The following MOSPD2 variants were observed in gnomAD, a reference collection of about 807,000 sequenced individuals.
MOSPD2 encodes the protein motile sperm domain-containing protein 2.
In MOSPD2, 5 loss-of-function variants were observed where a neutral mutation model predicts 41.7. That is an observed-to-expected ratio of 0.12 (90% CI 0.06 to 0.25). The LOEUF is 0.25. Ranked by LOEUF, MOSPD2 falls within the 10% of genes least tolerant of loss-of-function variation. The pLI is 1.00. For synonymous variants in MOSPD2, 115 were observed against 126.9 expected (o/e 0.91, Z 0.63); for missense variants, 282 against 375.2 (o/e 0.75, Z 2.05).
chrX:14,878,670 T>A (rs777169608), intron 2 of MOSPD2, among the ~76,000 whole-genome samples: 2 of 111,909 alleles, frequency 1.8e-5, no homozygotes, highest in South Asian at 3.7e-4. Flanking sequence ...GTCTTTTAAT[T>A]TTTGTTTTGT....
Position 14,914,506 on chromosome X carries a change from A to G in MOSPD2, c.996A>G (p.Pro332=). 2.6e-6 allele frequency: 3 copies of G among 1,174,788 alleles called. No individual in the cohort carries two copies. Among genetic ancestry groups the G allele is most frequent in the Non-Finnish European group, 3.5e-6 (3 of 869,009 alleles). Reference sequence around the variant, plus strand: ...TTATGTTTTTGTCACTCCCTAGCCCAGCAGAAGAACTGTACTTTGGAAGTA... The same window carrying G: ...TTATGTTTTTGTCACTCCCTAGCCCGGCAGAAGAACTGTACTTTGGAAGTA... ...VFKGPLLHIS[P]AEELYFGSTE... Residue 332 remains proline, a synonymous_variant, in exon 11 of 15, where the codon CCA becomes CCG. Coordinates refer to ENST00000380492, the MANE Select transcript of MOSPD2 (RefSeq NM_152581.4).
chrX:14,918,003 CTT>C (rs1302319531), intron 13 of MOSPD2, among the ~76,000 whole-genome samples: 1 of 111,744 alleles, frequency 8.9e-6, no homozygotes, highest in Non-Finnish European at 1.9e-5. Flanking sequence ...AGCAGCCTGC[CTT>C]GTTTTTACGT....
At chrX:14,882,602 A>G (rs2092533464) in intron 2 of MOSPD2, among the ~76,000 whole-genome samples, 1 of 111,525 alleles carries the variant, frequency 9.0e-6, no homozygotes, top group Admixed American at 9.5e-5. Context: ...CATAAATATA[A>G]TTTTTGTCAA....
At chrX:14,919,372 G>C (rs1179534139) in intron 14 of MOSPD2, among the ~76,000 whole-genome samples, 1 of 111,681 alleles carries the variant, frequency 9.0e-6, no homozygotes, top group Non-Finnish European at 1.9e-5. Flanking sequence ...ATTTGAAAGA[G>C]ACAGAGGGGC....
intron 13 of MOSPD2, 53 bp downstream of exon 13, chrX:14,916,379 G>A (rs976230009): frequency 1.1e-5 from 13 of 1,199,924 alleles, no homozygotes; most frequent in African/African-American, 1.8e-5. Flanking sequence ...ATCAGAAAGA[G>A]AAAAGTGCCT....
intron 2 of MOSPD2, among the ~76,000 whole-genome samples, chrX:14,889,485 C>T (rs987581481): frequency 6.3e-5 from 7 of 110,389 alleles, no homozygotes; most frequent in African/African-American, 2.3e-4. Context: ...ACCTCCCTCA[C>T]CTTTCTTTCC....
In MOSPD2 at chrX:14,900,508, C is replaced by A; in HGVS notation, c.478-67C>A. On this transcript the variant is annotated intron_variant, in intron 5 of 14. Transcript: ENST00000380492. ...CTCACTTGTATTTAATAATTTATCA[C>A]CTTTAGAAATGTGCAATTTTAAGTT... 5.9e-6 allele frequency: 3 copies of A among 508,701 alleles called. 1 individual carries two copies. The highest frequency in any genetic ancestry group is 8.6e-5 in the South Asian group (2 of 23,299). 41.9% of individuals were successfully genotyped at this position (508,701 alleles called of 1,213,427 possible).
chrX:14,887,966 A>T (rs1602025526), intron 2 of MOSPD2, among the ~76,000 whole-genome samples: 1 of 111,237 alleles, frequency 9.0e-6, no homozygotes, highest in Non-Finnish European at 1.9e-5. Flanking sequence ...AGCAAAATTC[A>T]TATTAGAACA....
chrX:14,887,562 A>G (rs1362002287), intron 2 of MOSPD2, among the ~76,000 whole-genome samples: 1 of 111,747 alleles, frequency 8.9e-6, no homozygotes, highest in African/African-American at 3.3e-5. Context: ...ATTTTCTCAC[A>G]TTGTTAGCCT....
chrX:14,910,338 A>G (rs912926890), intron 8 of MOSPD2, among the ~76,000 whole-genome samples: 4 of 111,184 alleles, frequency 3.6e-5, no homozygotes, highest in Non-Finnish European at 7.6e-5. Context: ...TTTTTACACA[A>G]TGGTCACATA....
In MOSPD2 at chrX:14,915,665, T is replaced by C. The variant is rs767275415; in HGVS notation, c.1090-3T>C. The C allele has an allele frequency of 1.3e-5, 16 of 1,199,655 alleles. No individual in the cohort carries two copies. Among genetic ancestry groups the C allele is most frequent in the Non-Finnish European group, 4.5e-6 (4 of 887,405 alleles). The stretch of plus-strand genomic sequence containing the variant: ...GTTATGTGACTACTGTGTTTATAAA[T>C]AGGTGAGAACAACAGCTCCAGAAAA... On this transcript the variant is annotated splice_polypyrimidine_tract_variant and splice_region_variant and intron_variant, in intron 11 of 14. Coordinates refer to ENST00000380492, the MANE Select transcript of MOSPD2 (RefSeq NM_152581.4).
intron 2 of MOSPD2, among the ~76,000 whole-genome samples, chrX:14,881,600 G>T (rs2092531549): frequency 8.9e-6 from 1 of 111,861 alleles, no homozygotes; most frequent in African/African-American, 3.3e-5. Context: ...CTAGCATGTG[G>T]CAGGTGATCA....
chrX:14,900,700 G>A, intron 6 of MOSPD2, 65 bp downstream of exon 6: 1 of 559,776 alleles, frequency 1.8e-6, no homozygotes, highest in Non-Finnish European at 2.8e-6. Context: ...TCTGAGAATT[G>A]TGGAGCCTTA....
At chrX:14,886,052 A>C (rs761295344) in intron 2 of MOSPD2, among the ~76,000 whole-genome samples, 4 of 111,185 alleles carry the variant, frequency 3.6e-5, no homozygotes, top group Admixed American at 9.6e-5. Flanking sequence ...CCCTGACTTC[A>C]TGGAGCTTAT....
intron 14 of MOSPD2, among the ~76,000 whole-genome samples, chrX:14,919,130 T>C (rs755371161): frequency 9.0e-5 from 10 of 111,359 alleles, no homozygotes; most frequent in Non-Finnish European, 1.7e-4. Flanking sequence ...TGCTTGACCC[T>C]GGGAGGTCAA....
chrX:14,911,157 G>A, intron 8 of MOSPD2, 80 bp from the exon 9 acceptor site: 1 of 866,953 alleles, frequency 1.2e-6, no homozygotes, highest in Non-Finnish European at 1.6e-6. Flanking sequence ...CTTGGCCAAA[G>A]TAATGAATTG....
intron 2 of MOSPD2, among the ~76,000 whole-genome samples, chrX:14,878,619 C>T (rs889198140): frequency 1.8e-5 from 2 of 111,412 alleles, no homozygotes; most frequent in African/African-American, 6.5e-5. Context: ...TAGGTTGGTG[C>T]GAAAGTAATT....
intron 9 of MOSPD2, among the ~76,000 whole-genome samples, 179 bp from the exon 10 acceptor site, chrX:14,912,070 G>T (rs141896752): frequency 0.014 from 1,534 of 111,415 alleles, 13 homozygotes; most frequent in Non-Finnish European, 0.022. Flanking sequence ...AAGTAATCAG[G>T]AACTTGATAG....
rs1298823766 is a variant in MOSPD2, at chrX:14,920,633, G to T, written c.*824G>T. The T allele has an allele frequency of 1.3e-6, 1 of 751,433 alleles. No individual in the cohort carries two copies. The highest frequency in any genetic ancestry group is 1.6e-6 in the Non-Finnish European group (1 of 638,723). The allele number at this position is 751,433 out of a possible 1,213,427, so 61.9% of individuals were successfully genotyped here. A position where few individuals can be genotyped will look rare whatever the true frequency, so the allele number is the denominator to read the frequency against. On this transcript the variant is annotated 3_prime_UTR_variant, in exon 15 of 15. Coordinates refer to ENST00000380492, the MANE Select transcript of MOSPD2 (RefSeq NM_152581.4). ...ACCTTTTGCCTAATTTATTATAAAG[G>T]CCTGACCCTCTATTGTCCCATCTTC... is the stretch of plus-strand genomic sequence containing the variant.
Sources: gnomAD v4.1 joint callset for allele counts (sites outside exome capture counted in the v4.1 genomes callset) on GRCh38, gnomAD v4.1.1 for gene constraint, MANE v1.5 for transcripts, NCBI Gene and HGNC (gene_info 2026-07-23, HGNC 2026-07-21) for gene names.